The following ABCA12 variants were observed in gnomAD, a reference collection of about 807,000 sequenced individuals.
The protein encoded by ABCA12 is glucosylceramide transporter ABCA12.
ABCA12 carries 156 observed loss-of-function variants against 293.5 expected under a neutral mutation model. The ratio of observed to expected loss-of-function variants is 0.53; its 90% CI spans 0.47 to 0.61. ABCA12 has a LOEUF of 0.61. ABCA12 is among the 20% of genes least tolerant of loss of function. ABCA12 has a pLI of 0.00. For missense variants in ABCA12, 2,797 were observed against 3,090.2 expected, an observed-to-expected ratio of 0.91 and a Z score of 2.25; for synonymous variants, 1,063 against 1,108.0, an observed-to-expected ratio of 0.96 and a Z score of 0.81.
rs1430333867 is a variant in ABCA12 at position 214,983,794 on chromosome 2, T to A, written c.4235A>T (p.Asp1412Val). ...CATGTTCTTCCGTACCGTGTGTAGGTCTGTTTTGATATCTTTTCCATATAC... is the reference window on the plus strand; with the variant it reads ...CATGTTCTTCCGTACCGTGTGTAGGACTGTTTTGATATCTTTTCCATATAC... ...IFVYGKDIKT[D>V]LHTVRKNMGV... Residue 1412 changes from aspartate (D) to valine (V), a missense_variant, in exon 29 of 53, where the codon GAC becomes GTC. Asp to Val is a radical substitution (Grantham distance 152). Coordinates refer to ENST00000272895, the MANE Select transcript of ABCA12 (RefSeq NM_173076.3). The A allele has an allele frequency of 6.2e-7, 1 of 1,614,118 alleles. No homozygotes were observed. Among genetic ancestry groups the A allele is most frequent in the Non-Finnish European group, 8.5e-7 (1 of 1,180,020 alleles).
intron 1 of ABCA12, among the ~76,000 whole-genome samples, chr2:215,115,515 G>A (rs10197921): frequency 0.27 from 40,456 of 151,928 alleles, 6,473 homozygotes; most frequent in African/African-American, 0.44. Context: ...GATGTTTGAG[G>A]AAAGCAGTGT....
intron 8 of ABCA12, 148 bp from the exon 9 acceptor site, chr2:215,032,044 C>G (rs997712242): frequency 4.6e-6 from 7 of 1,510,208 alleles, no homozygotes; most frequent in South Asian, 1.2e-5. Flanking sequence ...TAAAAGACAT[C>G]TATGCTCTTT....
chr2:214,948,758 A>G, intron 46 of ABCA12, 21 bp from the exon 47 acceptor site: 1 of 1,613,938 alleles, frequency 6.2e-7, no homozygotes. Context: ...AGAATCAAAA[A>G]CACAGATGAA....
At chr2:215,134,340 A>G (rs893286230) in intron 1 of ABCA12, among the ~76,000 whole-genome samples, 2 of 144,584 alleles carry the variant, frequency 1.4e-5, no homozygotes, top group East Asian at 2.0e-4. Flanking sequence ...GTACATATAT[A>G]TGTATATGTG....
At chr2:214,976,106 C>A in intron 33 of ABCA12, 69 bp from the exon 34 acceptor site, 1 of 1,576,436 alleles carries the variant, frequency 6.3e-7, no homozygotes, top group South Asian at 1.1e-5. Flanking sequence ...ACTTCAGAAA[C>A]TATATATAAA....
At chr2:214,981,958 TTATTATTA>T (rs1331924745) in intron 30 of ABCA12, among the ~76,000 whole-genome samples, 1 of 124,068 alleles carries the variant, frequency 8.1e-6, no homozygotes, top group African/African-American at 3.3e-5. Context: ...ATTATTATTA[TTATTATTA>T]TTATTATTAT....
intron 14 of ABCA12, chr2:215,017,549 C>T: frequency 6.2e-6 from 1 of 161,806 alleles, no homozygotes; most frequent in Non-Finnish European, 1.4e-5. Context: ...ATACATTTTC[C>T]CCCAATTAGG....
intron 1 of ABCA12, among the ~76,000 whole-genome samples, chr2:215,112,580 C>A (rs1048008431): frequency 2.1e-4 from 31 of 150,074 alleles, no homozygotes; most frequent in African/African-American, 7.1e-4. Context: ...CTTGCTGCAA[C>A]CTCTGCCTCC....
chr2:215,043,938 T>C (rs1473896358), intron 7 of ABCA12, among the ~76,000 whole-genome samples: 1 of 152,066 alleles, frequency 6.6e-6, no homozygotes, highest in Admixed American at 6.6e-5. Context: ...ATATATTTTT[T>C]GTTTTGATGT....
chr2:215,054,451 T>C (rs1701381148), intron 4 of ABCA12, 122 bp downstream of exon 4: 1 of 847,836 alleles, frequency 1.2e-6, no homozygotes, highest in Non-Finnish European at 2.0e-6. Context: ...CGTTTAGATC[T>C]CACAGGGCTA....
chr2:214,951,190 T>C (rs2105928010), intron 44 of ABCA12, 107 bp from the exon 45 acceptor site: 1 of 964,498 alleles, frequency 1.0e-6, no homozygotes, highest in South Asian at 1.3e-5. Context: ...CTAGTCATCA[T>C]TAGACTTCTT....
At chr2:215,066,928 T>A (rs1165912518) in intron 2 of ABCA12, among the ~76,000 whole-genome samples, 1 of 152,164 alleles carries the variant, frequency 6.6e-6, no homozygotes, top group African/African-American at 2.4e-5. Flanking sequence ...GTGCTAGGCA[T>A]GTAACATTTA....
chr2:215,120,620 C>A (rs767330136), intron 1 of ABCA12, among the ~76,000 whole-genome samples: 51 of 152,036 alleles, frequency 3.4e-4, no homozygotes, highest in Non-Finnish European at 1.3e-4. Flanking sequence ...AGGGGATAGT[C>A]CAGGAACAGA....
intron 19 of ABCA12, 129 bp from the exon 20 acceptor site, chr2:215,004,428 G>T (rs1700211409): frequency 2.9e-6 from 2 of 685,914 alleles, no homozygotes; most frequent in Non-Finnish European, 5.1e-6. Context: ...TCTTGCAAAG[G>T]CTCACAGAGA....
At chr2:215,010,557 C>T in intron 17 of ABCA12, 87 bp from the exon 18 acceptor site, 1 of 1,444,398 alleles carries the variant, frequency 6.9e-7, no homozygotes, top group South Asian at 1.2e-5. Context: ...TTATTCTTAT[C>T]ACACCCAAAA....
In ABCA12 at chr2:214,968,734, T is replaced by C. The variant is rs188297861; in HGVS notation, c.5764A>G (p.Arg1922Gly). The change falls in exon 38 of 53, where the codon AGA (arginine) becomes GGA (glycine). Residue 1922 changes from arginine (R) to glycine (G), a missense_variant. Arg to Gly is a moderately radical substitution (Grantham distance 125). Around this residue, in one of 3 missense-constraint regions of ABCA12, gnomAD observed 2,130 missense variants for 2,427.0 expected, o/e 0.88. Transcript: ENST00000272895. ...TCAAAATTTACCTTGGCAAGTGTTC[T>C]ATTGGCAGGGACTCCTGTTATATCA... Reference protein sequence around the residue: ...RFDITGVPANRTLAKVWYDPE... With the variant: ...RFDITGVPANGTLAKVWYDPE... The C allele has an allele frequency of 1.5e-4, 236 of 1,613,314 alleles. No homozygotes were observed. Among genetic ancestry groups the C allele is most frequent in the Non-Finnish European group, 9.3e-6 (11 of 1,179,342 alleles).
chr2:214,957,261 C>T (rs1275742515), intron 41 of ABCA12, among the ~76,000 whole-genome samples: 2 of 152,114 alleles, frequency 1.3e-5, no homozygotes, highest in African/African-American at 2.4e-5. Flanking sequence ...CACAGGTATA[C>T]GAACAAAGAA....
At chr2:215,071,001 C>A (rs1701725432) in intron 2 of ABCA12, among the ~76,000 whole-genome samples, 1 of 151,696 alleles carries the variant, frequency 6.6e-6, no homozygotes, top group Non-Finnish European at 1.5e-5. Flanking sequence ...GGCAACATGG[C>A]GAAACCCTGT....
In ABCA12 at chr2:214,951,119, T is replaced by G. The variant is rs537596159; in HGVS notation, c.6648-36A>C. On this transcript the variant is annotated intron_variant, in intron 44 of 52. Coordinates refer to ENST00000272895, the MANE Select transcript of ABCA12 (RefSeq NM_173076.3). ...ACCCAGTGATTTTACGTCAATGATT[T>G]TGAAATGACAGCATTCAATTTTGAC... The G allele has an allele frequency of 1.8e-5, 29 of 1,571,806 alleles. No individual in the cohort carries two copies. The South Asian group carries it at 3.1e-4, about 17-fold the overall frequency.
Sources: allele counts gnomAD v4.1 joint callset (sites outside exome capture counted in the v4.1 genomes callset), GRCh38; gene constraint gnomAD v4.1.1; regional missense constraint gnomAD v4.1.1; transcripts MANE v1.5; gene names NCBI Gene and HGNC (gene_info 2026-07-23, HGNC 2026-07-21).